The following MYRIP variants were observed in gnomAD, a reference collection of about 807,000 sequenced individuals.
The protein encoded by MYRIP is rab effector MyRIP.
Under a neutral mutation model 98.0 loss-of-function variants are expected in MYRIP, and 49 were observed. The ratio of observed to expected loss-of-function variants is 0.50; its 90% CI spans 0.40 to 0.63. The LOEUF is 0.63. Ranked by LOEUF, MYRIP falls within the 30% of genes least tolerant of loss-of-function variation. The pLI, the probability that MYRIP is intolerant of heterozygous loss-of-function variation, is 0.00. For missense variants in MYRIP, 1,004 were observed against 1,058.2 expected, an observed-to-expected ratio of 0.95 and a Z score of 0.71; for synonymous variants, 404 against 409.5, an observed-to-expected ratio of 0.99 and a Z score of 0.16.
intron 2 of MYRIP, among the ~76,000 whole-genome samples, chr3:40,026,974 A>G (rs1048778837): frequency 2.4e-4 from 36 of 151,924 alleles, no homozygotes; most frequent in African/African-American, 8.7e-4. Flanking sequence ...AGGGTGGCTC[A>G]TCCATTCCCC....
At chr3:40,093,646 A>G (rs1380811050) in intron 3 of MYRIP, among the ~76,000 whole-genome samples, 1 of 152,344 alleles carries the variant, frequency 6.6e-6, no homozygotes, top group East Asian at 1.9e-4. Flanking sequence ...TCACACTGGG[A>G]TAGCAGTGCA....
intron 3 of MYRIP, among the ~76,000 whole-genome samples, chr3:40,079,603 A>G (rs549965426): frequency 1.1e-4 from 16 of 152,336 alleles, no homozygotes; most frequent in African/African-American, 3.4e-4. Flanking sequence ...TGAATGTCGA[A>G]GTTCCATGCA....
At chr3:40,047,723 C>T (rs1005494689) in intron 3 of MYRIP, among the ~76,000 whole-genome samples, 20 of 152,158 alleles carry the variant, frequency 1.3e-4, no homozygotes, top group Non-Finnish European at 2.5e-4. Context: ...TTTTTGCATC[C>T]TGAAATGTCT....
intron 3 of MYRIP, among the ~76,000 whole-genome samples, chr3:40,083,465 C>A (rs1439830366): frequency 6.6e-6 from 1 of 152,112 alleles, no homozygotes; most frequent in African/African-American, 2.4e-5. Context: ...TAATTTCCAT[C>A]TTCAGTAATA....
At chr3:39,818,162 T>C (rs7642625) in intron 1 of MYRIP, among the ~76,000 whole-genome samples, 105,489 of 152,096 alleles carry the variant, frequency 0.69, 38,071 homozygotes, top group African/African-American at 0.91. Flanking sequence ...TGTAGACATT[T>C]TTTATTTTCT....
intron 1 of MYRIP, among the ~76,000 whole-genome samples, chr3:39,841,833 C>T (rs1345075126): frequency 1.3e-5 from 2 of 152,166 alleles, no homozygotes; most frequent in African/African-American, 2.4e-5. Flanking sequence ...CTGGAAGCTT[C>T]AACCTAGAGG....
intron 1 of MYRIP, among the ~76,000 whole-genome samples, chr3:39,824,769 G>A (rs571079929): frequency 1.3e-4 from 19 of 151,640 alleles, no homozygotes; most frequent in Non-Finnish European, 2.2e-4. Flanking sequence ...AGGATAGAGT[G>A]CAGTGGCATG....
At chr3:39,910,256 A>T (rs1943988116) in intron 2 of MYRIP, among the ~76,000 whole-genome samples, 5 of 152,208 alleles carry the variant, frequency 3.3e-5, no homozygotes, top group Admixed American at 3.3e-4. Flanking sequence ...AATTTGCTCA[A>T]GTTGTACAGA....
chr3:40,126,284 C>T (rs534644801), intron 3 of MYRIP, among the ~76,000 whole-genome samples: 16 of 152,310 alleles, frequency 1.1e-4, no homozygotes, highest in Non-Finnish European at 2.2e-4. Flanking sequence ...CTGGTTTTAA[C>T]AAGCCTTCCA....
At chr3:39,968,375 C>T (rs1469860121) in intron 2 of MYRIP, among the ~76,000 whole-genome samples, 5 of 152,104 alleles carry the variant, frequency 3.3e-5, no homozygotes, top group Non-Finnish European at 4.4e-5. Flanking sequence ...GTTGGCCAGG[C>T]TGGTCTCAAA....
chr3:39,843,872 A>C (rs115499301), intron 1 of MYRIP, among the ~76,000 whole-genome samples: 47 of 152,246 alleles, frequency 3.1e-4, no homozygotes, highest in African/African-American at 1.1e-3. Flanking sequence ...AGCAGTGGAG[A>C]TAGATTAGGT....
chr3:40,162,020 C>T (rs1950406570), intron 4 of MYRIP, among the ~76,000 whole-genome samples: 2 of 152,120 alleles, frequency 1.3e-5, no homozygotes, highest in Non-Finnish European at 2.9e-5. Flanking sequence ...CCTTCAGATA[C>T]ACCTTTTCTC....
At chr3:40,181,396 GCTGGTGCTGA>G (rs1409833660) in intron 8 of MYRIP, among the ~76,000 whole-genome samples, 1 of 152,216 alleles carries the variant, frequency 6.6e-6, no homozygotes, top group African/African-American at 2.4e-5. Context: ...AGTAGGGGCT[GCTGGTGCTGA>G]CATCAACCAG....
chr3:40,209,723 A>T (rs921501291), intron 10 of MYRIP, 131 bp from the exon 11 acceptor site: 1 of 1,217,230 alleles, frequency 8.2e-7, no homozygotes, highest in Admixed American at 2.4e-5. Context: ...GAGAAAGCAG[A>T]CCAGGTAAGA....
intron 12 of MYRIP, among the ~76,000 whole-genome samples, chr3:40,241,256 C>G (rs2125709628): frequency 6.6e-6 from 1 of 152,280 alleles, no homozygotes; most frequent in Non-Finnish European, 1.5e-5. Flanking sequence ...CCAGTGGCAG[C>G]AGACACAGTA....
Position 39,937,024 on chromosome 3 carries a change from T to G in MYRIP, c.110+36098T>G, listed in dbSNP as rs1441566985. On this transcript the variant is annotated intron_variant, in intron 2 of 16. Coordinates refer to ENST00000302541, the MANE Select transcript of MYRIP (RefSeq NM_015460.4). ...GGTCACTGATCCAAAGTCACCCAGCTTGGCAGTGACAGAGCAGGCGTCCAT... is the reference window on the plus strand; with the variant it reads ...GGTCACTGATCCAAAGTCACCCAGCGTGGCAGTGACAGAGCAGGCGTCCAT... 4.6e-5 allele frequency among the ~76,000 whole-genome samples: 7 copies of G among 152,170 alleles called. No homozygotes were observed. The East Asian group carries it at 1.3e-3, about 29-fold the overall frequency.
chr3:39,894,919 C>A (rs72868160), intron 1 of MYRIP, among the ~76,000 whole-genome samples: 2,699 of 152,238 alleles, frequency 0.018, 80 homozygotes, highest in African/African-American at 0.061. Flanking sequence ...TTACTTATAG[C>A]CCCTCTACAA....
At chr3:39,857,021 A>T (rs1942316830) in intron 1 of MYRIP, among the ~76,000 whole-genome samples, 1 of 152,092 alleles carries the variant, frequency 6.6e-6, no homozygotes, top group South Asian at 2.1e-4. Context: ...GGAGTTTGAG[A>T]CCAGCCTGGA....
intron 3 of MYRIP, among the ~76,000 whole-genome samples, chr3:40,078,226 GC>G (rs1476861461): frequency 6.6e-6 from 1 of 152,208 alleles, no homozygotes; most frequent in Non-Finnish European, 1.5e-5. Flanking sequence ...TCCGAGTGCG[GC>G]CCGCCAAGCC....
Sources: allele counts gnomAD v4.1 joint callset (sites outside exome capture counted in the v4.1 genomes callset), GRCh38; gene constraint gnomAD v4.1.1; transcripts MANE v1.5; gene names NCBI Gene and HGNC (gene_info 2026-07-23, HGNC 2026-07-21).